TLN2: variants seen among roughly 807,000 people sequenced by gnomAD.
TLN2 encodes talin-2.
In TLN2, 118 loss-of-function variants were observed where a neutral mutation model predicts 294.7. The ratio of observed to expected loss-of-function variants is 0.40; its 90% CI spans 0.34 to 0.47. TLN2 has a LOEUF of 0.47. Among genes scored for constraint, TLN2 ranks in the 20% least tolerant of loss-of-function variants. The probability of loss-of-function intolerance (pLI) is 0.84; values close to 1 mark genes in which losing one functional copy is unlikely to be tolerated. For synonymous variants in TLN2, 1,431 were observed against 1,304.5 expected (o/e 1.10, Z -2.09); for missense variants, 3,083 against 3,282.2 (o/e 0.94, Z 1.48).
chr15:62,762,117 G>A (rs757121954), intron 38 of TLN2, among the ~76,000 whole-genome samples, 155 bp from the exon 39 acceptor site: 12 of 152,172 alleles, frequency 7.9e-5, no homozygotes, highest in Non-Finnish European at 1.6e-4. Flanking sequence ...CCGCCATGCA[G>A]ACCCCTGGTA....
chr15:62,498,493 T>A (rs536422223), intron 1 of TLN2, among the ~76,000 whole-genome samples: 1 of 152,260 alleles, frequency 6.6e-6, no homozygotes, highest in South Asian at 2.1e-4. Flanking sequence ...GAGTTCTGAG[T>A]GTAGGCAAAA....
chr15:62,584,419 T>C (rs2045410891), intron 1 of TLN2, among the ~76,000 whole-genome samples: 1 of 152,238 alleles, frequency 6.6e-6, no homozygotes, highest in South Asian at 2.1e-4. Context: ...TAGGACTCTT[T>C]TCTCTTTGTC....
intron 18 of TLN2, 101 bp downstream of exon 18, chr15:62,702,301 G>GAT (rs1794039577): frequency 3.1e-6 from 4 of 1,286,648 alleles, no homozygotes; most frequent in Non-Finnish European, 4.2e-6. Flanking sequence ...CTTGCGTCTT[G>GAT]ATGGGGTGTG....
chr15:62,602,920 T>C (rs1023114975), intron 2 of TLN2, among the ~76,000 whole-genome samples: 1 of 151,548 alleles, frequency 6.6e-6, no homozygotes, highest in Non-Finnish European at 1.5e-5. Context: ...TGAGACTGAG[T>C]CTCGCTCTGT....
At chr15:62,825,153 T>C (rs1038448185) in intron 54 of TLN2, among the ~76,000 whole-genome samples, 2 of 152,188 alleles carry the variant, frequency 1.3e-5, no homozygotes, top group African/African-American at 4.8e-5. Flanking sequence ...TCTGTGTGTG[T>C]TGGCAGGTGC....
intron 1 of TLN2, among the ~76,000 whole-genome samples, chr15:62,527,150 T>C (rs1199080512): frequency 2.0e-5 from 3 of 152,136 alleles, no homozygotes; most frequent in Non-Finnish European, 4.4e-5. Context: ...GAGGAGTGCA[T>C]ACCATAGCCA....
intron 2 of TLN2, among the ~76,000 whole-genome samples, chr15:62,595,819 C>T (rs191147943): frequency 9.9e-5 from 15 of 152,246 alleles, no homozygotes; most frequent in South Asian, 8.3e-4. Context: ...GACAAATACC[C>T]GTGTTCTTAA....
At chr15:62,588,706 A>G (rs1401846901) in intron 1 of TLN2, among the ~76,000 whole-genome samples, 6 of 113,284 alleles carry the variant, frequency 5.3e-5, no homozygotes, top group East Asian at 2.7e-4. Flanking sequence ...ATATATATAT[A>G]TGAAATATAC....
chr15:62,535,473 C>T (rs1036009352), intron 1 of TLN2, among the ~76,000 whole-genome samples: 9 of 151,696 alleles, frequency 5.9e-5, no homozygotes, highest in African/African-American at 2.2e-4. Context: ...TGTGTACACA[C>T]ACACACACAC....
At chr15:62,766,568 C>T in intron 41 of TLN2, 146 bp downstream of exon 41, 1 of 660,082 alleles carries the variant, frequency 1.5e-6, no homozygotes. Context: ...CAGAAAATAA[C>T]ACTGAACCTC....
chr15:62,631,513 T>TCTTC (rs1214958376), intron 3 of TLN2, among the ~76,000 whole-genome samples: 109 of 131,270 alleles, frequency 8.3e-4, no homozygotes, highest in East Asian at 6.9e-3. Context: ...TTTCTTTCTT[T>TCTTC]CTTTCTTCCT....
chr15:62,535,462 G>T (rs1299025860), intron 1 of TLN2, among the ~76,000 whole-genome samples: 1 of 132,608 alleles, frequency 7.5e-6, no homozygotes, highest in African/African-American at 2.7e-5. Context: ...GACCCTGTCT[G>T]TGTGTACACA....
At chr15:62,804,346 C>A (rs1331152213) in intron 50 of TLN2, among the ~76,000 whole-genome samples, 1 of 152,178 alleles carries the variant, frequency 6.6e-6, no homozygotes, top group East Asian at 1.9e-4. Context: ...GCCTGTAATT[C>A]CAGCACTTTA....
In TLN2 at chr15:62,826,787, G is replaced by T. The variant is rs1029073014; in HGVS notation, c.7002+6177G>T. On this transcript the variant is annotated intron_variant, in intron 54 of 58. Transcript: ENST00000636159. ...ACTGGCAGGAAAATGCCTCACTCCT[G>T]TTGTGGGAGTTCTAGACACTGGCCT... 3.3e-5 allele frequency among the ~76,000 whole-genome samples: 5 copies of T among 152,192 alleles called. No homozygotes were observed. In the East Asian group the frequency reaches 9.6e-4, roughly 29 times the overall value.
intron 43 of TLN2, among the ~76,000 whole-genome samples, chr15:62,777,810 A>G (rs2063827300): frequency 6.6e-6 from 1 of 152,212 alleles, no homozygotes. Context: ...TGACCCATCA[A>G]ATGAGTCAGA....
chr15:62,513,556 G>A (rs1474128878), intron 1 of TLN2, among the ~76,000 whole-genome samples: 2 of 152,154 alleles, frequency 1.3e-5, no homozygotes, highest in Non-Finnish European at 2.9e-5. Context: ...CCATAACCTT[G>A]TAGACCTTTA....
At chr15:62,489,662 A>G (rs944287921) in intron 1 of TLN2, among the ~76,000 whole-genome samples, 1 of 152,186 alleles carries the variant, frequency 6.6e-6, no homozygotes, top group African/African-American at 2.4e-5. Flanking sequence ...TGGACTTAGA[A>G]GTGAATCACA....
intron 1 of TLN2, among the ~76,000 whole-genome samples, chr15:62,523,801 G>A (rs2040590678): frequency 6.6e-6 from 1 of 152,202 alleles, no homozygotes; most frequent in Non-Finnish European, 1.5e-5. Context: ...AGTGTTGTGT[G>A]GGCCACTTAA....
At chr15:62,473,139 C>T (rs938898875) in intron 1 of TLN2, among the ~76,000 whole-genome samples, 1 of 152,202 alleles carries the variant, frequency 6.6e-6, no homozygotes, top group African/African-American at 2.4e-5. Flanking sequence ...GCCCAGAGCA[C>T]AGGACTGTCC....
Sources: allele counts gnomAD v4.1 joint callset (sites outside exome capture counted in the v4.1 genomes callset), GRCh38; gene constraint gnomAD v4.1.1; transcripts MANE v1.5; gene names NCBI Gene and HGNC (gene_info 2026-07-23, HGNC 2026-07-21).